Variants in CARS2 observed in about 807,000 individuals in gnomAD.
CARS2 encodes the protein cysteinyl-tRNA synthetase 2, mitochondrial, also known as probable cysteine--tRNA ligase, mitochondrial.
CARS2 carries 52 observed loss-of-function variants against 68.8 expected under a neutral mutation model. The ratio of observed to expected loss-of-function variants is 0.76; its 90% CI spans 0.61 to 0.95. The LOEUF is 0.95. CARS2 is among the 40% of genes least tolerant of loss of function. CARS2 has a pLI of 0.00. For missense variants in CARS2, 780 were observed against 754.2 expected (o/e 1.03, Z -0.40); for synonymous variants, 314 against 303.6 (o/e 1.03, Z -0.36).
intron 2 of CARS2, among the ~76,000 whole-genome samples, chr13:110,702,647 GAGACAGC>G (rs1190041750): frequency 6.6e-6 from 1 of 152,218 alleles, no homozygotes; most frequent in Non-Finnish European, 1.5e-5. Context: ...ACTGCCCTTG[GAGACAGC>G]AGAGGCTCCA....
chr13:110,677,117 A>C lies in CARS2; in HGVS notation c.656-14T>G, dbSNP rs1313513740. ...TGTCAGAGTCCGCTGCAGATGACAA[A>C]CGGTACATCAGTGGGAAGAAGCTCA... On this transcript the variant is annotated splice_polypyrimidine_tract_variant and intron_variant, in intron 6 of 14. Coordinates refer to ENST00000257347, the MANE Select transcript of CARS2 (RefSeq NM_024537.4). The C allele has an allele frequency of 6.3e-7, 1 of 1,596,434 alleles. No individual in the cohort carries two copies. Among genetic ancestry groups the C allele is most frequent in the Middle Eastern group, 1.7e-4 (1 of 5,996 alleles).
chr13:110,700,045 T>C (rs965129181), intron 3 of CARS2, among the ~76,000 whole-genome samples: 1 of 152,242 alleles, frequency 6.6e-6, no homozygotes, highest in Non-Finnish European at 1.5e-5. Context: ...TGCCCAGAGA[T>C]AGCTGAAGTC....
intron 2 of CARS2, among the ~76,000 whole-genome samples, chr13:110,702,819 A>G (rs1200205545): frequency 3.3e-5 from 5 of 152,230 alleles, no homozygotes; most frequent in African/African-American, 1.2e-4. Context: ...ACATGGCATC[A>G]GGAGACCTCA....
At chr13:110,682,756 T>C (rs1173274162) in intron 6 of CARS2, among the ~76,000 whole-genome samples, 2 of 152,142 alleles carry the variant, frequency 1.3e-5, no homozygotes, top group Non-Finnish European at 2.9e-5. Flanking sequence ...GAGGTTTTCA[T>C]GTGCGCTGAA....
At chr13:110,662,434 G>T (rs2062536474) in intron 9 of CARS2, among the ~76,000 whole-genome samples, 1 of 152,254 alleles carries the variant, frequency 6.6e-6, no homozygotes, top group African/African-American at 2.4e-5. Flanking sequence ...CGTGGCCCCG[G>T]GCTCCAACCT....
chr13:110,695,623 C>T (rs1350450883), intron 3 of CARS2, among the ~76,000 whole-genome samples: 1 of 151,870 alleles, frequency 6.6e-6, no homozygotes, highest in African/African-American at 2.4e-5. Flanking sequence ...GAATTATGCA[C>T]CATTTAATGC....
At chr13:110,642,159 A>C (rs1051581607) in intron 14 of CARS2, among the ~76,000 whole-genome samples, 156 bp downstream of exon 14, 1 of 152,166 alleles carries the variant, frequency 6.6e-6, no homozygotes, top group African/African-American at 2.4e-5. Context: ...GTGAGCCGAG[A>C]TCACGCCATT....
intron 12 of CARS2, 137 bp downstream of exon 12, chr13:110,645,830 C>G: frequency 1.7e-6 from 2 of 1,169,160 alleles, no homozygotes; most frequent in South Asian, 3.0e-5. Flanking sequence ...GACTCGGGCT[C>G]CATGAGTTCC....
At chr13:110,650,818 G>GACGAGGAA in intron 10 of CARS2, 1 of 509,562 alleles carries the variant, frequency 2.0e-6, no homozygotes, top group South Asian at 2.7e-5. Context: ...ACTCGAGCTT[G>GACGAGGAA]ACGAGGAAGC....
At chr13:110,664,971 T>C (rs2062609264) in intron 8 of CARS2, 1 of 980,992 alleles carries the variant, frequency 1.0e-6, no homozygotes, top group South Asian at 4.7e-5. Flanking sequence ...TCAGTTTGGC[T>C]ATAGCAGCCC....
intron 13 of CARS2, 190 bp from the exon 14 acceptor site, chr13:110,642,711 T>A (rs1181254249): frequency 1.3e-6 from 1 of 761,500 alleles, no homozygotes; most frequent in Admixed American, 1.7e-5. Flanking sequence ...TGGGCAAGGC[T>A]CCACTCAACT....
At chr13:110,666,416 A>G in intron 8 of CARS2, 1 of 985,364 alleles carries the variant, frequency 1.0e-6, no homozygotes, top group Non-Finnish European at 1.2e-6. Context: ...TCATTTTTAG[A>G]CAAAAACTGG....
At chr13:110,677,335 C>T (rs1403285972) in intron 6 of CARS2, among the ~76,000 whole-genome samples, 1 of 74,270 alleles carries the variant, frequency 1.3e-5, no homozygotes, top group African/African-American at 5.3e-5. Context: ...GTCACCCCCA[C>T]CACGGGGACC....
At chr13:110,662,815 G>A (rs531557563) in intron 9 of CARS2, 1 of 326,850 alleles carries the variant, frequency 3.1e-6, no homozygotes, top group African/African-American at 2.2e-5. Context: ...AGCTTTCACT[G>A]GTTTGCTATT....
At chr13:110,700,996 T>C (rs928361940) in intron 3 of CARS2, among the ~76,000 whole-genome samples, 1 of 152,158 alleles carries the variant, frequency 6.6e-6, no homozygotes, top group African/African-American at 2.4e-5. Context: ...TGTCTCAGAT[T>C]ACACCCACTG....
rs144570050 is a variant in CARS2, at chr13:110,653,927, G to A, written c.988-2827C>T. 5.9e-5 allele frequency among the ~76,000 whole-genome samples: 9 copies of A among 152,320 alleles called. No homozygotes were observed. In the South Asian group the frequency reaches 1.2e-3, roughly 21 times the overall value. Reference sequence around the variant, plus strand: ...GTTTCTATACTACTCCGGTTCCACCGTGCAACCTGCCACGGCTCCCTGAGA... The same window carrying A: ...GTTTCTATACTACTCCGGTTCCACCATGCAACCTGCCACGGCTCCCTGAGA... On this transcript the variant is annotated intron_variant, in intron 9 of 14. Coordinates refer to ENST00000257347, the MANE Select transcript of CARS2 (RefSeq NM_024537.4). The surrounding 1 kb of genome is among the most constrained non-coding windows in gnomAD (Gnocchi z 5.6).
At chr13:110,701,934 A>G (rs982745690) in intron 2 of CARS2, among the ~76,000 whole-genome samples, 5 of 152,234 alleles carry the variant, frequency 3.3e-5, no homozygotes, top group African/African-American at 9.6e-5. Flanking sequence ...ATTTTTCACT[A>G]TGACAAAACA....
At chr13:110,642,260 C>T in intron 14 of CARS2, 55 bp downstream of exon 14, 2 of 1,407,856 alleles carry the variant, frequency 1.4e-6, no homozygotes, top group Non-Finnish European at 2.0e-6. Flanking sequence ...GCCCCACGTC[C>T]TGTTGACCTA....
At chr13:110,641,705 C>CA in intron 14 of CARS2, 97 bp from the exon 15 acceptor site, 1 of 974,778 alleles carries the variant, frequency 1.0e-6, no homozygotes, top group Admixed American at 1.7e-5. Context: ...CCTGTTCCCT[C>CA]ACCGGCCTGT....
Sources: allele counts gnomAD v4.1 joint callset (sites outside exome capture counted in the v4.1 genomes callset), GRCh38; gene constraint gnomAD v4.1.1; non-coding constraint Gnocchi (gnomAD v3.1); transcripts MANE v1.5; gene names NCBI Gene and HGNC (gene_info 2026-07-23, HGNC 2026-07-21).